The following CCSER1 variants were observed in gnomAD, a reference collection of about 807,000 sequenced individuals.
CCSER1 encodes coiled-coil serine rich protein 1.
CCSER1 carries 41 observed loss-of-function variants against 82.0 expected under a neutral mutation model. The ratio of observed to expected loss-of-function variants is 0.50; its 90% CI spans 0.39 to 0.65. The LOEUF (loss-of-function observed/expected upper bound fraction) is 0.65, where lower values mean the gene tolerates loss of function less well. Ranked by LOEUF, CCSER1 falls within the 30% of genes least tolerant of loss-of-function variation. The pLI is 0.00. For missense variants in CCSER1, 1,119 were observed against 1,064.2 expected (o/e 1.05, Z -0.72); for synonymous variants, 414 against 383.9 (o/e 1.08, Z -0.92).
At chr4:91,545,646 C>G (rs894140573) in intron 10 of CCSER1, among the ~76,000 whole-genome samples, 1 of 152,026 alleles carries the variant, frequency 6.6e-6, no homozygotes, top group Admixed American at 6.6e-5. Flanking sequence ...ATCTTACAAC[C>G]TTGCTATCTT....
At chr4:91,402,376 T>A (rs1752401840) in intron 10 of CCSER1, among the ~76,000 whole-genome samples, 1 of 152,240 alleles carries the variant, frequency 6.6e-6, no homozygotes, top group Admixed American at 6.5e-5. Flanking sequence ...TTTCTTTTGC[T>A]GTGCAGAAGC....
chr4:90,380,278 T>G (rs984479300), intron 3 of CCSER1, among the ~76,000 whole-genome samples: 1 of 152,188 alleles, frequency 6.6e-6, no homozygotes, highest in African/African-American at 2.4e-5. Context: ...GTGGCTAAAG[T>G]GAGAAAGCAA....
chr4:90,997,384 G>A (rs1737591491), intron 9 of CCSER1, among the ~76,000 whole-genome samples: 1 of 152,094 alleles, frequency 6.6e-6, no homozygotes, highest in Non-Finnish European at 1.5e-5. Context: ...TCTGTTATAA[G>A]TATTCTTGTG....
intron 10 of CCSER1, among the ~76,000 whole-genome samples, chr4:91,585,617 G>A (rs77778588): frequency 6.6e-6 from 1 of 151,522 alleles, no homozygotes; most frequent in Non-Finnish European, 1.5e-5. Context: ...ATTCTGGGTT[G>A]TGAAAAGGCT....
At chr4:91,516,436 T>C (rs981890285) in intron 10 of CCSER1, among the ~76,000 whole-genome samples, 1 of 152,224 alleles carries the variant, frequency 6.6e-6, no homozygotes, top group Non-Finnish European at 1.5e-5. Flanking sequence ...GCTAGACAGC[T>C]ATCCCAGCAC....
intron 10 of CCSER1, among the ~76,000 whole-genome samples, chr4:91,387,310 C>T (rs1224826231): frequency 6.6e-6 from 1 of 151,694 alleles, no homozygotes; most frequent in Non-Finnish European, 1.5e-5. Flanking sequence ...ACATGTTTTT[C>T]CTTGATTTTG....
At chr4:90,499,348 C>G (rs1769491292) in intron 5 of CCSER1, among the ~76,000 whole-genome samples, 1 of 152,090 alleles carries the variant, frequency 6.6e-6, no homozygotes, top group African/African-American at 2.4e-5. Flanking sequence ...TATTTCATGT[C>G]TCTATATATG....
intron 10 of CCSER1, among the ~76,000 whole-genome samples, chr4:91,150,166 T>A (rs1359346664): frequency 2.0e-5 from 3 of 152,224 alleles, no homozygotes; most frequent in Non-Finnish European, 2.9e-5. Context: ...GAGCAGTGGT[T>A]TGTAATTCTC....
intron 5 of CCSER1, among the ~76,000 whole-genome samples, chr4:90,532,722 T>C (rs1579002392): frequency 6.6e-6 from 1 of 152,188 alleles, no homozygotes; most frequent in Non-Finnish European, 1.5e-5. Flanking sequence ...CAAAATTCTT[T>C]TCTATTTCTT....
At chr4:90,916,188 A>G (rs1306693523) in intron 8 of CCSER1, among the ~76,000 whole-genome samples, 1 of 152,144 alleles carries the variant, frequency 6.6e-6, no homozygotes, top group Admixed American at 6.5e-5. Context: ...TGGAACCAAA[A>G]AAGAGCCCGC....
intron 10 of CCSER1, among the ~76,000 whole-genome samples, chr4:91,262,946 C>G (rs1011598116): frequency 6.6e-5 from 10 of 151,922 alleles, no homozygotes; most frequent in Non-Finnish European, 4.4e-5. Context: ...TTCCCTTGCT[C>G]TGGTAATTAA....
intron 3 of CCSER1, among the ~76,000 whole-genome samples, chr4:90,393,180 A>C (rs1041917536): frequency 6.6e-6 from 1 of 152,212 alleles, no homozygotes; most frequent in African/African-American, 2.4e-5. Flanking sequence ...TTACTTAAGG[A>C]CACTTACCTA....
At chr4:90,503,620 T>G (rs923589531) in intron 5 of CCSER1, among the ~76,000 whole-genome samples, 4 of 152,072 alleles carry the variant, frequency 2.6e-5, no homozygotes, top group Non-Finnish European at 5.9e-5. Context: ...TGTCCATGTG[T>G]TCTCATTGTT....
chr4:90,691,058 T>A lies in CCSER1; in HGVS notation c.1933-32856T>A, dbSNP rs543355791. ...ATGTGTAAGATGGTTGCTGTGAGAG[T>A]TATAAATGCTCAGTGCAGTGTCTGA... On this transcript the variant is annotated intron_variant, in intron 6 of 10. Coordinates refer to ENST00000509176, the MANE Select transcript of CCSER1 (RefSeq NM_001145065.2). 3.9e-5 allele frequency among the ~76,000 whole-genome samples: 6 copies of A among 152,108 alleles called. No individual in the cohort carries two copies. In the South Asian group the frequency reaches 1.0e-3, roughly 26 times the overall value.
intron 5 of CCSER1, among the ~76,000 whole-genome samples, chr4:90,623,859 C>G (rs1260600746): frequency 6.6e-6 from 1 of 152,130 alleles, no homozygotes; most frequent in Non-Finnish European, 1.5e-5. Flanking sequence ...CAGATAGTTT[C>G]TGTTAGGTTC....
chr4:90,893,778 T>TGTGC (rs758128890), intron 8 of CCSER1, among the ~76,000 whole-genome samples: 1 of 120,538 alleles, frequency 8.3e-6, no homozygotes, highest in Non-Finnish European at 1.9e-5. Context: ...TGTGTGTGCG[T>TGTGC]GTGTGTGTGT....
At chr4:91,567,398 C>G (rs928706260) in intron 10 of CCSER1, among the ~76,000 whole-genome samples, 1 of 151,900 alleles carries the variant, frequency 6.6e-6, no homozygotes, top group Admixed American at 6.6e-5. Context: ...CTATCCAATC[C>G]ATTTGGTCCA....
At chr4:90,815,643 G>A (rs957389765) in intron 7 of CCSER1, 119 bp from the exon 8 acceptor site, 2 of 613,044 alleles carry the variant, frequency 3.3e-6, no homozygotes, top group African/African-American at 1.8e-5. Flanking sequence ...TACTATAGAG[G>A]GAATTTGAGT....
intron 10 of CCSER1, among the ~76,000 whole-genome samples, chr4:91,354,987 C>A (rs1436400956): frequency 6.6e-6 from 1 of 152,050 alleles, no homozygotes; most frequent in Non-Finnish European, 1.5e-5. Context: ...TCCATCAATG[C>A]CTAATGATAC....
Sources: allele counts gnomAD v4.1 joint callset (sites outside exome capture counted in the v4.1 genomes callset), GRCh38; gene constraint gnomAD v4.1.1; transcripts MANE v1.5; gene names NCBI Gene and HGNC (gene_info 2026-07-23, HGNC 2026-07-21).